GRIK2: variants seen among roughly 807,000 people sequenced by gnomAD.
GRIK2 encodes glutamate ionotropic receptor kainate type subunit 2, also known as glutamate receptor ionotropic, kainate 2.
A neutral mutation model predicts 100.3 loss-of-function variants in GRIK2; 32 were observed. The observed-to-expected ratio is 0.32, with a 90% CI of 0.24 to 0.43. The LOEUF (loss-of-function observed/expected upper bound fraction) is 0.43. GRIK2 is among the 20% of genes least tolerant of loss of function. The pLI, the probability that GRIK2 is intolerant of heterozygous loss-of-function variation, is 1.00. For synonymous variants in GRIK2, 417 were observed against 389.4 expected (o/e 1.07, Z -0.83); for missense variants, 843 against 1,114.9 (o/e 0.76, Z 3.47).
chr6:101,872,869 T>A (rs1785521750), intron 11 of GRIK2, among the ~76,000 whole-genome samples: 1 of 151,896 alleles, frequency 6.6e-6, no homozygotes, highest in Non-Finnish European at 1.5e-5. Context: ...AAATTATAGG[T>A]TGATAATAAG....
intron 4 of GRIK2, among the ~76,000 whole-genome samples, chr6:101,652,016 G>T (rs1379158563): frequency 6.6e-6 from 1 of 152,146 alleles, no homozygotes; most frequent in African/African-American, 2.4e-5. Flanking sequence ...AATACTGCTG[G>T]TATGTCATGT....
chr6:101,476,469 G>C (rs2852532), intron 2 of GRIK2, among the ~76,000 whole-genome samples: 146,861 of 152,222 alleles, frequency 0.96, 70,879 homozygotes, highest in African/African-American at 0.99. Context: ...AGTTGATAGA[G>C]AGTGTATTGG....
At chr6:101,572,525 A>G (rs1424724782) in intron 2 of GRIK2, among the ~76,000 whole-genome samples, 2 of 152,134 alleles carry the variant, frequency 1.3e-5, no homozygotes, top group South Asian at 2.1e-4. Context: ...TAAAAGTAGA[A>G]TAGGAAATGC....
intron 2 of GRIK2, among the ~76,000 whole-genome samples, chr6:101,548,836 C>G (rs1235795610): frequency 6.6e-6 from 1 of 152,042 alleles, no homozygotes; most frequent in Non-Finnish European, 1.5e-5. Context: ...TATTACTATC[C>G]TCAGTTATAG....
intron 2 of GRIK2, among the ~76,000 whole-genome samples, chr6:101,489,303 C>A (rs2128265889): frequency 6.8e-6 from 1 of 146,034 alleles, no homozygotes; most frequent in Non-Finnish European, 1.5e-5. Flanking sequence ...AAAGTGGAAA[C>A]AGGGCACTTG....
At chr6:101,617,136 A>G (rs965978267) in intron 2 of GRIK2, among the ~76,000 whole-genome samples, 2 of 151,718 alleles carry the variant, frequency 1.3e-5, no homozygotes, top group African/African-American at 4.8e-5. Flanking sequence ...AGGCCTTAGC[A>G]CTTTCATACA....
intron 2 of GRIK2, among the ~76,000 whole-genome samples, chr6:101,615,231 A>G (rs190392399): frequency 1.7e-4 from 26 of 151,858 alleles, no homozygotes; most frequent in African/African-American, 5.8e-4. Context: ...CGGGCATTTT[A>G]TGGTTTGATA....
intron 4 of GRIK2, among the ~76,000 whole-genome samples, chr6:101,660,861 T>A (rs182422939): frequency 4.1e-4 from 63 of 152,248 alleles, no homozygotes; most frequent in Middle Eastern, 6.8e-3. Context: ...TCATCCCAGA[T>A]GGGCATCTGC....
chr6:101,527,165 A>C (rs2128283420), intron 2 of GRIK2, among the ~76,000 whole-genome samples: 1 of 152,330 alleles, frequency 6.6e-6, no homozygotes, highest in South Asian at 2.1e-4. Context: ...CAGGAAAAAC[A>C]ATCTGCTCAT....
intron 14 of GRIK2, among the ~76,000 whole-genome samples, chr6:101,934,537 A>G (rs1433979115): frequency 1.3e-5 from 2 of 151,852 alleles, no homozygotes; most frequent in Admixed American, 1.3e-4. Flanking sequence ...TGAGAGCTTG[A>G]GTGATTTTGC....
chr6:101,691,925 A>C (rs1174687418), intron 7 of GRIK2, among the ~76,000 whole-genome samples: 1 of 151,476 alleles, frequency 6.6e-6, no homozygotes, highest in Non-Finnish European at 1.5e-5. Flanking sequence ...GTGGTGGGGC[A>C]GGCCTGTAGT....
intron 12 of GRIK2, among the ~76,000 whole-genome samples, chr6:101,920,579 C>T (rs1789422884): frequency 6.6e-6 from 1 of 151,714 alleles, no homozygotes. Flanking sequence ...TAGATATCCT[C>T]CATGAAGAGA....
intron 2 of GRIK2, among the ~76,000 whole-genome samples, chr6:101,426,544 C>T (rs1415948): frequency 0.059 from 9,021 of 152,104 alleles, 465 homozygotes; most frequent in South Asian, 0.14. Flanking sequence ...ATCACATGTA[C>T]GCCATAAACA....
At position 102,022,013 on chromosome 6, in the gene GRIK2, T is replaced by C. The variant is rs564317438; in HGVS notation, c.2086-13328T>C. On this transcript the variant is annotated intron_variant, in intron 14 of 16. Coordinates refer to ENST00000369134, the MANE Select transcript of GRIK2 (RefSeq NM_021956.5). ...AAAATTTTATTTTTAGAAGGGTAGA[T>C]TTAGATATTAATATAAATAATTTAT... is the stretch of plus-strand genomic sequence containing the variant. Among the ~76,000 whole-genome samples, 17 of 150,098 alleles carry C rather than the reference T, an allele frequency of 1.1e-4. No individual in the cohort carries two copies. The East Asian group carries it at 3.3e-3, about 29-fold the overall frequency.
intron 2 of GRIK2, among the ~76,000 whole-genome samples, chr6:101,604,065 T>C (rs1310487679): frequency 1.3e-5 from 2 of 151,700 alleles, no homozygotes; most frequent in Non-Finnish European, 1.5e-5. Flanking sequence ...TTATAACTTT[T>C]CTGAAAATAT....
rs1777028092 is a variant in GRIK2, at chr6:101,561,760, G to A, written c.116-60189G>A. On this transcript the variant is annotated intron_variant, in intron 2 of 16. Transcript: ENST00000369134. Reference sequence around the variant, plus strand: ...TTGGACTTGGGTGTTTGGAATTTGGGAAGGGGTTATAGAAATATTTCACAA... The same window carrying A: ...TTGGACTTGGGTGTTTGGAATTTGGAAAGGGGTTATAGAAATATTTCACAA... Among the ~76,000 whole-genome samples the A allele has an allele frequency of 2.6e-5, 4 of 152,116 alleles. No homozygotes were observed. In the South Asian group the frequency reaches 8.3e-4, roughly 31 times the overall value.
At chr6:101,519,670 G>A (rs1217971705) in intron 2 of GRIK2, among the ~76,000 whole-genome samples, 1 of 151,972 alleles carries the variant, frequency 6.6e-6, no homozygotes, top group Non-Finnish European at 1.5e-5. Flanking sequence ...TACATTATTT[G>A]ATTGAGTTTT....
chr6:101,482,310 T>C (rs1445338170), intron 2 of GRIK2, among the ~76,000 whole-genome samples: 3 of 152,194 alleles, frequency 2.0e-5, no homozygotes, highest in Non-Finnish European at 2.9e-5. Context: ...CTCTTCTTAA[T>C]TGATTTACCT....
chr6:101,680,996 T>C (rs1771202791), intron 5 of GRIK2, among the ~76,000 whole-genome samples: 1 of 152,214 alleles, frequency 6.6e-6, no homozygotes, highest in African/African-American at 2.4e-5. Flanking sequence ...ATATATTTGA[T>C]ACATTCCAAA....
Sources: gnomAD v4.1 joint callset for allele counts (sites outside exome capture counted in the v4.1 genomes callset) on GRCh38, gnomAD v4.1.1 for gene constraint, MANE v1.5 for transcripts, NCBI Gene and HGNC (gene_info 2026-07-23, HGNC 2026-07-21) for gene names.